Variants in KIF16B observed in about 807,000 individuals in gnomAD.
KIF16B encodes the protein kinesin family member 16B.
Under a neutral mutation model 156.3 loss-of-function variants are expected in KIF16B, and 98 were observed. That is an observed-to-expected ratio of 0.63 (90% confidence interval 0.53 to 0.74). The LOEUF (loss-of-function observed/expected upper bound fraction) is 0.74. Among genes scored for constraint, KIF16B ranks in the 30% least tolerant of loss-of-function variants. The pLI, the probability that KIF16B is intolerant of heterozygous loss-of-function variation, is 0.00. For synonymous variants in KIF16B, 564 were observed against 583.7 expected, an observed-to-expected ratio of 0.97 and a Z score of 0.49; for missense variants, 1,421 against 1,606.5, an observed-to-expected ratio of 0.88 and a Z score of 1.97.
intron 1 of KIF16B, among the ~76,000 whole-genome samples, chr20:16,554,450 C>T (rs767114714): frequency 4.6e-5 from 7 of 152,152 alleles, no homozygotes; most frequent in Non-Finnish European, 1.0e-4. Context: ...GAACGCTCAT[C>T]GGGACACCCT....
At chr20:16,495,144 G>T (rs1364854287) in intron 11 of KIF16B, among the ~76,000 whole-genome samples, 1 of 152,182 alleles carries the variant, frequency 6.6e-6, no homozygotes, top group Non-Finnish European at 1.5e-5. Flanking sequence ...AAGGTCTATA[G>T]GAGAGTAGCT....
At chr20:16,571,823 G>T (rs1487355932) in intron 1 of KIF16B, among the ~76,000 whole-genome samples, 1 of 152,034 alleles carries the variant, frequency 6.6e-6, no homozygotes, top group Non-Finnish European at 1.5e-5. Context: ...TAGAGAAGGG[G>T]TTTCACCGTG....
At position 16,491,867 on chromosome 20, in the gene KIF16B, T is replaced by C. The variant is rs529428573; in HGVS notation, c.1302+2424A>G. On this transcript the variant is annotated intron_variant, in intron 12 of 25. Transcript: ENST00000354981. The stretch of plus-strand genomic sequence containing the variant: ...ACGCAGGGCAAGGGAAGCCACCGAC[T>C]AGGTAGAGAAAGAAGGGAACAAAGT... Among the ~76,000 whole-genome samples the C allele has an allele frequency of 2.6e-5, 4 of 152,246 alleles. No individual in the cohort carries two copies. In the South Asian group the frequency reaches 6.2e-4, roughly 24 times the overall value.
chr20:16,325,039 G>GA (rs1159516809), intron 24 of KIF16B, among the ~76,000 whole-genome samples: 4 of 151,854 alleles, frequency 2.6e-5, no homozygotes, highest in Admixed American at 6.6e-5. Context: ...AAACAGGATT[G>GA]AAAACAAAAA....
At chr20:16,515,797 A>G in intron 3 of KIF16B, 133 bp from the exon 4 acceptor site, 1 of 563,338 alleles carries the variant, frequency 1.8e-6, no homozygotes, top group Non-Finnish European at 3.1e-6. Flanking sequence ...ATCACTGCAG[A>G]ACCATTCACA....
intron 1 of KIF16B, among the ~76,000 whole-genome samples, chr20:16,570,340 A>G (rs1336863231): frequency 1.3e-5 from 2 of 152,182 alleles, no homozygotes; most frequent in Non-Finnish European, 2.9e-5. Flanking sequence ...TAAGGGAAGC[A>G]TTTTCTGCTT....
intron 3 of KIF16B, among the ~76,000 whole-genome samples, chr20:16,524,203 C>A (rs543832339): frequency 2.0e-4 from 31 of 152,004 alleles, no homozygotes; most frequent in African/African-American, 7.0e-4. Flanking sequence ...GAGCTTCTGC[C>A]CAGCAATATA....
chr20:16,290,116 G>A (rs1418663637), intron 25 of KIF16B, among the ~76,000 whole-genome samples: 1 of 152,178 alleles, frequency 6.6e-6, no homozygotes, highest in African/African-American at 2.4e-5. Flanking sequence ...CTGGCATTTG[G>A]AGATATAATG....
chr20:16,483,842 A>G (rs2068044584), intron 12 of KIF16B, among the ~76,000 whole-genome samples: 1 of 152,110 alleles, frequency 6.6e-6, no homozygotes, highest in South Asian at 2.1e-4. Flanking sequence ...CTCCAAGCTC[A>G]CAAGACGTAG....
At chr20:16,352,935 G>A (rs892954319) in intron 23 of KIF16B, among the ~76,000 whole-genome samples, 4 of 152,196 alleles carry the variant, frequency 2.6e-5, no homozygotes, top group Non-Finnish European at 5.9e-5. Context: ...ACCAGGGGGT[G>A]TCAGACCCTG....
chr20:16,494,285 CCTTA>C lies in KIF16B; in HGVS notation c.1302+2_1302+5del. ...GTAAGACTAAACACATTTTTCTAGT[CCTTA>C]CTTTCAAAATATTTTGGGTTTCATT... is the stretch of plus-strand genomic sequence containing the variant. On this transcript the variant is annotated splice_donor_variant and splice_donor_5th_base_variant and intron_variant, in intron 12 of 25. Coordinates refer to ENST00000354981, the MANE Select transcript of KIF16B (RefSeq NM_024704.5). LOFTEE classifies it high-confidence loss of function. 6.4e-7 allele frequency: 1 copy of C among 1,571,600 alleles called. No individual in the cohort carries two copies. The highest frequency in any genetic ancestry group is 8.7e-7 in the Non-Finnish European group (1 of 1,148,696).
chr20:16,367,770 A>C, intron 22 of KIF16B: 1 of 1,612,686 alleles, frequency 6.2e-7, no homozygotes, highest in Non-Finnish European at 8.5e-7. Context: ...AGGGATGATT[A>C]GCGCAGGCAG....
intron 25 of KIF16B, among the ~76,000 whole-genome samples, chr20:16,297,494 CA>C (rs2063406312): frequency 2.0e-5 from 3 of 152,056 alleles, no homozygotes; most frequent in African/African-American, 7.2e-5. Context: ...AGATCAAGAC[CA>C]TTCTGGCTGG....
At chr20:16,496,279 A>G (rs1243866131) in intron 11 of KIF16B, among the ~76,000 whole-genome samples, 1 of 152,252 alleles carries the variant, frequency 6.6e-6, no homozygotes, top group African/African-American at 2.4e-5. Flanking sequence ...CAAAGCATCC[A>G]ACAATAAATG....
chr20:16,524,777 G>C (rs894204857), intron 3 of KIF16B, among the ~76,000 whole-genome samples: 1 of 152,030 alleles, frequency 6.6e-6, no homozygotes, highest in South Asian at 2.1e-4. Flanking sequence ...GAACCAACCC[G>C]AATGCCCATC....
chr20:16,379,575 G>A lies in KIF16B; in HGVS notation c.2427C>T (p.Ala809=), dbSNP rs761896307. ...ESLLRVKEAR[A]GGDEDGEELE... The stretch of plus-strand genomic sequence containing the variant: ...ACTCCTCGCCATCTTCATCCCCTCC[G>A]GCACGAGCCTCCTTCACCCGCAGGA... Residue 809 remains alanine (A), a synonymous_variant, in exon 19 of 26, where the codon GCC becomes GCT. Transcript: ENST00000354981. 39 of 1,613,890 alleles carry A rather than the reference G, an allele frequency of 2.4e-5. No individual in the cohort carries two copies. The highest frequency in any genetic ancestry group is 6.6e-5 in the South Asian group (6 of 91,066).
chr20:16,305,758 T>C (rs2063532345), intron 25 of KIF16B, among the ~76,000 whole-genome samples: 1 of 152,214 alleles, frequency 6.6e-6, no homozygotes, highest in Admixed American at 6.5e-5. Context: ...CTCCCACATA[T>C]GAGTGAGAAC....
At chr20:16,557,250 G>A (rs1276452951) in intron 1 of KIF16B, among the ~76,000 whole-genome samples, 1 of 151,350 alleles carries the variant, frequency 6.6e-6, no homozygotes, top group East Asian at 1.9e-4. Flanking sequence ...GCGCAATCTC[G>A]GCTCACTGCA....
chr20:16,327,057 A>C (rs2122855881), intron 24 of KIF16B, among the ~76,000 whole-genome samples: 1 of 123,194 alleles, frequency 8.1e-6, no homozygotes, highest in Non-Finnish European at 1.7e-5. Context: ...ATGTATGTAT[A>C]TGTATACATG....
Sources: allele counts gnomAD v4.1 joint callset (sites outside exome capture counted in the v4.1 genomes callset), GRCh38; gene constraint gnomAD v4.1.1; transcripts MANE v1.5; gene names NCBI Gene and HGNC (gene_info 2026-07-23, HGNC 2026-07-21).